TRPM3: variants seen among roughly 807,000 people sequenced by gnomAD.
The protein encoded by TRPM3 is transient receptor potential cation channel subfamily M member 3, also known as long transient receptor potential channel 3.
A neutral mutation model predicts 181.2 loss-of-function variants in TRPM3; 77 were observed. The observed-to-expected ratio is 0.42, with a 90% CI of 0.35 to 0.51. The LOEUF (loss-of-function observed/expected upper bound fraction) is 0.51. Among genes scored for constraint, TRPM3 ranks in the 20% least tolerant of loss-of-function variants. The probability of loss-of-function intolerance (pLI) is 0.01; values close to 1 mark genes in which losing one functional copy is unlikely to be tolerated. For synonymous variants in TRPM3, 745 were observed against 796.4 expected (o/e 0.94, Z 1.09); for missense variants, 1,759 against 2,196.7 (o/e 0.80, Z 3.98).
intron 1 of TRPM3, among the ~76,000 whole-genome samples, chr9:71,035,831 C>A (rs1412927069): frequency 1.3e-5 from 2 of 151,998 alleles, no homozygotes; most frequent in African/African-American, 2.4e-5. Context: ...CAGTTACTAC[C>A]CTTGAAGAAC....
intron 1 of TRPM3, among the ~76,000 whole-genome samples, chr9:71,323,669 G>A (rs574356026): frequency 8.5e-5 from 13 of 152,072 alleles, no homozygotes; most frequent in Non-Finnish European, 1.6e-4. Context: ...GAAAGGTCAC[G>A]CTATGGTTTG....
chr9:71,420,737 AAGAG>A (rs1428301769), intron 1 of TRPM3, among the ~76,000 whole-genome samples: 4 of 49,416 alleles, frequency 8.1e-5, no homozygotes, highest in African/African-American at 2.3e-4. Flanking sequence ...GAGAGAGAGA[AAGAG>A]AGAGAAAGAG....
At chr9:71,200,275 G>C (rs1205980982) in intron 1 of TRPM3, among the ~76,000 whole-genome samples, 1 of 151,770 alleles carries the variant, frequency 6.6e-6, no homozygotes, top group Non-Finnish European at 1.5e-5. Flanking sequence ...CACTTGCTGA[G>C]GAGAGCTTTA....
chr9:71,438,066 T>A (rs2094074400), intron 1 of TRPM3, among the ~76,000 whole-genome samples: 1 of 152,036 alleles, frequency 6.6e-6, no homozygotes, highest in Non-Finnish European at 1.5e-5. Context: ...AATCACTAGT[T>A]CATAGGAAAT....
chr9:71,252,030 A>G (rs1580912), intron 1 of TRPM3, among the ~76,000 whole-genome samples: 144,025 of 152,234 alleles, frequency 0.95, 68,530 homozygotes, highest in East Asian at 1. Flanking sequence ...GCCAATGATA[A>G]GATCTCATTC....
At chr9:71,029,897 C>G (rs1023732841) in intron 1 of TRPM3, among the ~76,000 whole-genome samples, 3 of 152,150 alleles carry the variant, frequency 2.0e-5, no homozygotes, top group African/African-American at 7.2e-5. Flanking sequence ...TGGTGGACTG[C>G]TCATATTTGA....
chr9:70,982,990 C>T (rs1461843209), intron 1 of TRPM3, among the ~76,000 whole-genome samples: 3 of 152,180 alleles, frequency 2.0e-5, no homozygotes, highest in Non-Finnish European at 4.4e-5. Flanking sequence ...TGAGCCACCA[C>T]ACCTGGCCAA....
chr9:71,155,413 G>A (rs2075942561), intron 1 of TRPM3, among the ~76,000 whole-genome samples: 1 of 151,980 alleles, frequency 6.6e-6, no homozygotes, highest in Non-Finnish European at 1.5e-5. Context: ...TGCCTCCTGG[G>A]TTCAGGTGAA....
At chr9:70,577,444 A>G (rs372395185) in intron 22 of TRPM3, among the ~76,000 whole-genome samples, 2 of 152,310 alleles carry the variant, frequency 1.3e-5, no homozygotes, top group East Asian at 1.9e-4. Context: ...CATGTAGATC[A>G]CTAGTAAATC....
At chr9:71,322,771 T>C (rs558651731) in intron 1 of TRPM3, among the ~76,000 whole-genome samples, 64 of 152,274 alleles carry the variant, frequency 4.2e-4, no homozygotes, top group African/African-American at 1.5e-3. Context: ...TTCAAAATAA[T>C]GACTTGCACA....
intron 22 of TRPM3, among the ~76,000 whole-genome samples, chr9:70,582,353 T>C (rs2056082101): frequency 6.6e-6 from 1 of 152,228 alleles, no homozygotes. Context: ...CTGAAATCTT[T>C]TTGTTTGCTT....
chr9:71,051,600 G>T (rs2060067543), intron 1 of TRPM3, among the ~76,000 whole-genome samples: 2 of 152,158 alleles, frequency 1.3e-5, no homozygotes, highest in South Asian at 4.2e-4. Flanking sequence ...ATGGCGGCGG[G>T]GTGGGGGGGT....
intron 1 of TRPM3, among the ~76,000 whole-genome samples, chr9:71,280,587 T>C (rs2084633516): frequency 6.6e-6 from 1 of 152,192 alleles, no homozygotes; most frequent in Admixed American, 6.5e-5. Flanking sequence ...AAAAATTAAA[T>C]AATGGAGTCA....
intron 1 of TRPM3, among the ~76,000 whole-genome samples, chr9:71,011,737 C>T (rs892806055): frequency 2.0e-5 from 3 of 149,672 alleles, no homozygotes; most frequent in Non-Finnish European, 4.4e-5. Context: ...AAAGGCTTTA[C>T]CCATATAGGG....
chr9:70,664,142 A>C (rs774871150), intron 9 of TRPM3, among the ~76,000 whole-genome samples: 9 of 152,350 alleles, frequency 5.9e-5, no homozygotes, highest in Non-Finnish European at 1.2e-4. Context: ...TGCCATGCAG[A>C]CACTCCTGGA....
chr9:71,058,120 C>T (rs1335899198), intron 1 of TRPM3, among the ~76,000 whole-genome samples: 1 of 152,014 alleles, frequency 6.6e-6, no homozygotes, highest in Non-Finnish European at 1.5e-5. Flanking sequence ...AGGGCATAGT[C>T]CAACACAAGC....
At chr9:71,408,196 C>T (rs1031846137) in intron 1 of TRPM3, among the ~76,000 whole-genome samples, 4 of 152,166 alleles carry the variant, frequency 2.6e-5, no homozygotes, top group Admixed American at 1.3e-4. Context: ...ACCTCTTCTC[C>T]TCCAAAGGAT....
At chr9:70,599,228 C>G (rs530873338) in intron 20 of TRPM3, among the ~76,000 whole-genome samples, 1 of 152,298 alleles carries the variant, frequency 6.6e-6, no homozygotes, top group Non-Finnish European at 1.5e-5. Flanking sequence ...CACTTACCCT[C>G]AACCCATTCT....
At chr9:70,853,560 G>A (rs2095303015) in intron 3 of TRPM3, among the ~76,000 whole-genome samples, 1 of 152,184 alleles carries the variant, frequency 6.6e-6, no homozygotes, top group Non-Finnish European at 1.5e-5. Context: ...AGGAAGTACT[G>A]GAAGAATTAG....
Sources: gnomAD v4.1 joint callset for allele counts (sites outside exome capture counted in the v4.1 genomes callset) on GRCh38, gnomAD v4.1.1 for gene constraint, MANE v1.5 for transcripts, NCBI Gene and HGNC (gene_info 2026-07-23, HGNC 2026-07-21) for gene names.